Variants in ARID1A observed in about 807,000 individuals in gnomAD.
The protein encoded by ARID1A is AT-rich interaction domain 1A.
In ARID1A, 20 loss-of-function variants were observed where a neutral mutation model predicts 212.6. That is an observed-to-expected ratio of 0.09 (90% CI 0.07 to 0.14). The LOEUF is 0.14. Ranked by LOEUF, ARID1A falls within the 10% of genes least tolerant of loss-of-function variation. The pLI is 1.00. For synonymous variants in ARID1A, 1,376 were observed against 1,222.1 expected, an observed-to-expected ratio of 1.13 and a Z score of -2.63; for missense variants, 2,587 against 3,059.0, an observed-to-expected ratio of 0.85 and a Z score of 3.64.
chr1:26,751,111 C>T (rs1471844342), intron 4 of ARID1A, among the ~76,000 whole-genome samples: 1 of 151,800 alleles, frequency 6.6e-6, no homozygotes, highest in Admixed American at 6.6e-5. Flanking sequence ...AAAAATTAGC[C>T]GGGCGTGGTG....
In ARID1A at chr1:26,763,109, A is replaced by G. The variant is rs780240905; in HGVS notation, c.2556A>G (p.Thr852=). 6.2e-7 allele frequency: 1 copy of G among 1,614,052 alleles called. No homozygotes were observed. Among genetic ancestry groups the G allele is most frequent in the Non-Finnish European group, 8.5e-7 (1 of 1,179,998 alleles). ...HGQPGIPPYG[T]LPPGRMSHAS... Reference sequence around the variant, plus strand: ...AGCCTGGCATCCCACCTTATGGCACACTCCCTCCAGGGAGGATGAGTCACG... The same window carrying G: ...AGCCTGGCATCCCACCTTATGGCACGCTCCCTCCAGGGAGGATGAGTCACG... Residue 852 remains threonine, a synonymous_variant, in exon 8 of 20, where the codon ACA becomes ACG. Coordinates refer to ENST00000324856, the MANE Select transcript of ARID1A (RefSeq NM_006015.6).
chr1:26,724,461 A>G (rs538167824), intron 1 of ARID1A, among the ~76,000 whole-genome samples: 1 of 152,180 alleles, frequency 6.6e-6, no homozygotes, highest in East Asian at 1.9e-4. Flanking sequence ...TCCTGGTGCC[A>G]CTGCCACGGG....
intron 4 of ARID1A, among the ~76,000 whole-genome samples, chr1:26,736,645 A>T (rs1294940945): frequency 1.4e-5 from 2 of 147,446 alleles, no homozygotes; most frequent in Non-Finnish European, 3.0e-5. Flanking sequence ...AAAAAAAAAA[A>T]AGGGCACAGT....
chr1:26,738,233 A>G (rs1465535563), intron 4 of ARID1A, among the ~76,000 whole-genome samples: 1 of 152,140 alleles, frequency 6.6e-6, no homozygotes, highest in African/African-American at 2.4e-5. Flanking sequence ...TATGTTGGCC[A>G]GACTGGTCTC....
intron 8 of ARID1A, 111 bp downstream of exon 8, chr1:26,763,396 T>C: frequency 8.0e-7 from 1 of 1,250,382 alleles, no homozygotes; most frequent in Non-Finnish European, 1.1e-6. Context: ...TGGGTGTGTG[T>C]GTATGAAGTG....
At chr1:26,747,432 C>T (rs992029353) in intron 4 of ARID1A, among the ~76,000 whole-genome samples, 1 of 152,144 alleles carries the variant, frequency 6.6e-6, no homozygotes, top group Non-Finnish European at 1.5e-5. Context: ...CGAACCTGTC[C>T]CTTAAGGCCA....
At chr1:26,739,979 G>T (rs1008186861) in intron 4 of ARID1A, among the ~76,000 whole-genome samples, 42 of 147,990 alleles carry the variant, frequency 2.8e-4, no homozygotes, top group African/African-American at 1.0e-3. Flanking sequence ...AATCACCAGA[G>T]TGATCATCTT....
chr1:26,779,219 A>G lies in ARID1A; in HGVS notation c.5321A>G (p.Glu1774Gly). The change falls in exon 20 of 20, where the codon GAA (glutamate) becomes GGA (glycine). Residue 1774 changes from glutamate (E) to glycine (G), a missense_variant. Glu to Gly is a moderately conservative substitution (Grantham distance 98, BLOSUM62 -2). Around this residue, in one of 11 missense-constraint regions of ARID1A, gnomAD observed 890 missense variants for 1,098.2 expected, o/e 0.81. Coordinates refer to ENST00000324856, the MANE Select transcript of ARID1A (RefSeq NM_006015.6). ...EEEELLGPKL[E>G]EEEEEEVVEN... ...GAAGAACTTCTAGGTCCTAAACTAGAAGAGGAAGAAGAAGAGGAAGTAGTT... is the reference window on the plus strand; with the variant it reads ...GAAGAACTTCTAGGTCCTAAACTAGGAGAGGAAGAAGAAGAGGAAGTAGTT... 2.5e-6 allele frequency: 4 copies of G among 1,613,840 alleles called. No individual in the cohort carries two copies. Among genetic ancestry groups the G allele is most frequent in the Non-Finnish European group, 3.4e-6 (4 of 1,179,816 alleles).
rs2080284037 is a variant in ARID1A at position 26,697,510 on chromosome 1, C to A, written c.1107C>A (p.Gly369=). The A allele has an allele frequency of 3.6e-6, 5 of 1,404,750 alleles. No individual in the cohort carries two copies. The Admixed American group carries it at 1.3e-4, about 37-fold the overall frequency. 87.0% of individuals were successfully genotyped at this position (1,404,750 alleles called of 1,614,324 possible). Reference sequence around the variant, plus strand: ...CCATGAGCCCCGGGAGCAGCGGCGGCGGGGGGCAGCCGCTCGCCCGGACCC... The same window carrying A: ...CCATGAGCCCCGGGAGCAGCGGCGGAGGGGGGCAGCCGCTCGCCCGGACCC... ...HAPMSPGSSG[G]GGQPLARTPQ... is the part of the protein sequence containing the mutation. Residue 369 remains glycine (G), a synonymous_variant, in exon 1 of 20, where the codon GGC becomes GGA. Transcript: ENST00000324856.
At chr1:26,713,524 A>G (rs916988728) in intron 1 of ARID1A, among the ~76,000 whole-genome samples, 1 of 151,792 alleles carries the variant, frequency 6.6e-6, no homozygotes. Flanking sequence ...ACACCTGGCT[A>G]TTTTTTTGTA....
chr1:26,716,280 AC>A (rs1408737385), intron 1 of ARID1A, among the ~76,000 whole-genome samples: 1 of 152,098 alleles, frequency 6.6e-6, no homozygotes, highest in Non-Finnish European at 1.5e-5. Flanking sequence ...TAATGCAAAA[AC>A]ACTTACTGAG....
At chr1:26,751,369 A>C (rs1424276152) in intron 4 of ARID1A, among the ~76,000 whole-genome samples, 1 of 152,134 alleles carries the variant, frequency 6.6e-6, no homozygotes, top group African/African-American at 2.4e-5. Flanking sequence ...TAGCCAGTTG[A>C]GTCAAGTAGC....
At chr1:26,751,249 C>T (rs138325127) in intron 4 of ARID1A, among the ~76,000 whole-genome samples, 55 of 151,068 alleles carry the variant, frequency 3.6e-4, no homozygotes, top group African/African-American at 1.3e-3. Flanking sequence ...GGCAAAACTC[C>T]GTCTAAAAAA....
chr1:26,696,958 G>GAGC lies in ARID1A; in HGVS notation c.556_558dup (p.Ser186dup), dbSNP rs2080270350. On this transcript the variant is annotated inframe_insertion, in exon 1 of 20. Transcript: ENST00000324856. ...AAAGCCCTGGCCTGGCAGCGCTGCA[G>GAGC]AGCGGCGGCGGCGGGGGCCTGGAGC... is the stretch of plus-strand genomic sequence containing the variant. 1.4e-6 allele frequency: 2 copies of GAGC among 1,473,392 alleles called. No homozygotes were observed. Among genetic ancestry groups the GAGC allele is most frequent in the African/African-American group, 3.0e-5 (2 of 67,644 alleles). The allele number at this position is 1,473,392 out of a possible 1,614,324, so 91.3% of individuals were successfully genotyped here.
chr1:26,699,542 T>A (rs930710436), intron 1 of ARID1A, among the ~76,000 whole-genome samples: 1 of 152,214 alleles, frequency 6.6e-6, no homozygotes, highest in Non-Finnish European at 1.5e-5. Flanking sequence ...GGCTTGGAGC[T>A]CTGTGCCTTG....
At chr1:26,773,526 C>T (rs2081103568) in intron 15 of ARID1A, 30 bp downstream of exon 15, 3 of 1,613,532 alleles carry the variant, frequency 1.9e-6, no homozygotes, top group Non-Finnish European at 2.5e-6. Context: ...CTGTCCACTC[C>T]CCCAGCACCC....
At chr1:26,717,723 G>GCT (rs1330629564) in intron 1 of ARID1A, among the ~76,000 whole-genome samples, 1 of 152,184 alleles carries the variant, frequency 6.6e-6, no homozygotes, top group African/African-American at 2.4e-5. Flanking sequence ...TATATAGTAT[G>GCT]CTAGTGATAC....
intron 8 of ARID1A, chr1:26,765,192 T>A (rs1015266546): frequency 7.1e-6 from 1 of 141,076 alleles, no homozygotes; most frequent in Non-Finnish European, 1.5e-5. Context: ...AAACTCCATC[T>A]CAAAAAAAAA....
chr1:26,708,412 G>A (rs1358407809), intron 1 of ARID1A, among the ~76,000 whole-genome samples: 1 of 149,808 alleles, frequency 6.7e-6, no homozygotes, highest in Non-Finnish European at 1.5e-5. Flanking sequence ...AGCCTCCTGA[G>A]TAGCTGGGAT....
Sources: gnomAD v4.1 joint callset for allele counts (sites outside exome capture counted in the v4.1 genomes callset) on GRCh38, gnomAD v4.1.1 for gene constraint, gnomAD v4.1.1 regional missense constraint, MANE v1.5 for transcripts, NCBI Gene and HGNC (gene_info 2026-07-23, HGNC 2026-07-21) for gene names.